PRPSAP2: variants seen among roughly 807,000 people sequenced by gnomAD.
PRPSAP2 encodes the protein phosphoribosyl pyrophosphate synthetase associated protein 2.
PRPSAP2 carries 24 observed loss-of-function variants against 40.6 expected under a neutral mutation model. The observed-to-expected ratio is 0.59, with a 90% confidence interval of 0.43 to 0.83. The LOEUF (loss-of-function observed/expected upper bound fraction) is 0.83. Ranked by LOEUF, PRPSAP2 falls within the 40% of genes least tolerant of loss-of-function variation. PRPSAP2 has a pLI of 0.00. For missense variants in PRPSAP2, 292 were observed against 465.6 expected, an observed-to-expected ratio of 0.63 and a Z score of 3.43; for synonymous variants, 149 against 164.7, an observed-to-expected ratio of 0.90 and a Z score of 0.73.
chr17:18,871,653 C>CTTTTTTTTTTTTT (rs142523345), intron 4 of PRPSAP2, among the ~76,000 whole-genome samples: 4 of 129,784 alleles, frequency 3.1e-5, no homozygotes, highest in East Asian at 2.7e-4. Context: ...ATATAATTTT[C>CTTTTTTTTTTTTT]TTTTTTTTTT....
chr17:18,928,068 G>A (rs1200994400), intron 10 of PRPSAP2, among the ~76,000 whole-genome samples: 7 of 152,208 alleles, frequency 4.6e-5, no homozygotes, highest in African/African-American at 1.2e-4. Flanking sequence ...ACAGGCATGA[G>A]CCACCACGCC....
chr17:18,923,623 A>G (rs990403882), intron 9 of PRPSAP2, among the ~76,000 whole-genome samples: 1 of 152,092 alleles, frequency 6.6e-6, no homozygotes, highest in African/African-American at 2.4e-5. Flanking sequence ...GATGCCTTTC[A>G]TTTCGTTTTC....
intron 5 of PRPSAP2, among the ~76,000 whole-genome samples, chr17:18,873,054 C>G (rs1371020116): frequency 6.6e-6 from 1 of 151,996 alleles, no homozygotes; most frequent in Non-Finnish European, 1.5e-5. Flanking sequence ...GTTGGCCAGA[C>G]TGGTCTTGAA....
chr17:18,911,174 C>T lies in PRPSAP2; in HGVS notation c.656C>T (p.Ser219Leu). ...CATGGAGAGGCGCAGGATGCCGAGT[C>T]GGACTTGGTGGATGGACGGCATTCC... ...VIHGEAQDAE[S>L]DLVDGRHSPP... Residue 219 changes from serine to leucine, a missense_variant, in exon 9 of 12, where the codon TCG becomes TTG. Physicochemically the swap from Ser to Leu is moderately radical, Grantham distance 145 (BLOSUM62 -2). Coordinates refer to ENST00000268835, the MANE Select transcript of PRPSAP2 (RefSeq NM_002767.4). This position sits in a 1 kb window ranked among gnomAD's most constrained non-coding sequence, Gnocchi z 4.5. 1.4e-5 allele frequency: 22 copies of T among 1,613,978 alleles called. No individual in the cohort carries two copies. Among genetic ancestry groups the T allele is most frequent in the Non-Finnish European group, 1.9e-5 (22 of 1,179,918 alleles).
intron 7 of PRPSAP2, among the ~76,000 whole-genome samples, chr17:18,884,822 G>A (rs981322262): frequency 3.3e-5 from 5 of 152,314 alleles, no homozygotes; most frequent in East Asian, 1.9e-4. Context: ...TAGAGCAGTC[G>A]CTATAGACTT....
intron 7 of PRPSAP2, among the ~76,000 whole-genome samples, chr17:18,886,324 G>T (rs1180918916): frequency 1.3e-5 from 2 of 152,040 alleles, no homozygotes; most frequent in Non-Finnish European, 2.9e-5. Flanking sequence ...TCTGGTACTA[G>T]GATGCTCGTT....
intron 8 of PRPSAP2, among the ~76,000 whole-genome samples, chr17:18,900,513 C>G (rs868802777): frequency 1.3e-5 from 2 of 151,960 alleles, no homozygotes; most frequent in Non-Finnish European, 2.9e-5. Flanking sequence ...TTTTTTCATT[C>G]ATATTGAGAT....
chr17:18,925,562 A>G (rs2041923824), intron 10 of PRPSAP2, among the ~76,000 whole-genome samples: 1 of 152,168 alleles, frequency 6.6e-6, no homozygotes, highest in Non-Finnish European at 1.5e-5. Context: ...TGTCTTTGGT[A>G]TAACTGCTAC....
At chr17:18,921,870 A>C (rs2041706867) in intron 9 of PRPSAP2, among the ~76,000 whole-genome samples, 1 of 152,194 alleles carries the variant, frequency 6.6e-6, no homozygotes, top group Non-Finnish European at 1.5e-5. Context: ...TAAAGTATAA[A>C]ATTTACTGGC....
intron 9 of PRPSAP2, chr17:18,917,584 ATTTTTTTTTTTTTTTT>A (rs536358118): frequency 3.1e-5 from 1 of 32,344 alleles, no homozygotes; most frequent in South Asian, 1.6e-3. Context: ...TATTATTATT[ATTTTTTTTTTTTTTTT>A]TTTTTTTTTT....
intron 7 of PRPSAP2, among the ~76,000 whole-genome samples, chr17:18,889,135 C>T (rs994838866): frequency 6.6e-6 from 1 of 152,178 alleles, no homozygotes; most frequent in Non-Finnish European, 1.5e-5. Context: ...TTAGGCTTTC[C>T]TGTAGATACA....
In PRPSAP2 at chr17:18,882,581, T is replaced by G; in HGVS notation, c.426T>G (p.Leu142=). The G allele has an allele frequency of 6.3e-7, 1 of 1,576,476 alleles. No individual in the cohort carries two copies. The highest frequency in any genetic ancestry group is 8.7e-7 in the Non-Finnish European group (1 of 1,146,138). ...TTATTTTCAAAGGTCTAACTCATCT[T>G]ATTACTATGGATTTACACCAGAAGG... ...SMMCKAGLTH[L]ITMDLHQKEI... is the part of the protein sequence containing the mutation. Residue 142 remains leucine, a synonymous_variant, in exon 7 of 12, where the codon CTT becomes CTG. Transcript: ENST00000268835.
intron 10 of PRPSAP2, among the ~76,000 whole-genome samples, chr17:18,926,744 C>T (rs552392782): frequency 3.9e-4 from 56 of 143,128 alleles, no homozygotes; most frequent in Middle Eastern, 3.5e-3. Context: ...AGAGGTCCTT[C>T]AGACAGCACC....
chr17:18,863,754 G>C (rs913471818), intron 1 of PRPSAP2, among the ~76,000 whole-genome samples: 6 of 149,710 alleles, frequency 4.0e-5, no homozygotes, highest in African/African-American at 7.4e-5. Flanking sequence ...GGCTGGTCTC[G>C]AACCCCTGAC....
At chr17:18,910,595 A>AT (rs1456643003) in intron 8 of PRPSAP2, among the ~76,000 whole-genome samples, 1 of 152,200 alleles carries the variant, frequency 6.6e-6, no homozygotes, top group African/African-American at 2.4e-5. Context: ...CCTTATCTTG[A>AT]TTGTGCTAAT....
intron 8 of PRPSAP2, among the ~76,000 whole-genome samples, chr17:18,890,960 A>G (rs1176803090): frequency 6.6e-6 from 1 of 152,210 alleles, no homozygotes; most frequent in African/African-American, 2.4e-5. Flanking sequence ...ACTATTGCAT[A>G]CTTAAAATTA....
chr17:18,930,740 T>C lies in PRPSAP2; in HGVS notation c.*42T>C. 1 of 1,544,562 alleles carries C rather than the reference T, an allele frequency of 6.5e-7. No individual in the cohort carries two copies. The highest frequency in any genetic ancestry group is 8.9e-7 in the Non-Finnish European group (1 of 1,126,830). On this transcript the variant is annotated 3_prime_UTR_variant, in exon 12 of 12. Coordinates refer to ENST00000268835, the MANE Select transcript of PRPSAP2 (RefSeq NM_002767.4). ...ACTCCCGAGGGCCAAACTGGAAACA[T>C]AAGAGTGACTGCTCGGTGGGATGGA...
At chr17:18,930,325 G>A (rs909111030) in intron 11 of PRPSAP2, among the ~76,000 whole-genome samples, 2 of 152,202 alleles carry the variant, frequency 1.3e-5, no homozygotes, top group Non-Finnish European at 2.9e-5. Context: ...AGTGAGCTGA[G>A]ATGGCATCAC....
chr17:18,862,385 T>A (rs1331973584), intron 1 of PRPSAP2, among the ~76,000 whole-genome samples: 1 of 152,220 alleles, frequency 6.6e-6, no homozygotes, highest in African/African-American at 2.4e-5. Flanking sequence ...TCATTCTAAG[T>A]GTTCCAACTC....
Sources: gnomAD v4.1 joint callset for allele counts (sites outside exome capture counted in the v4.1 genomes callset) on GRCh38, gnomAD v4.1.1 for gene constraint, Gnocchi (gnomAD v3.1) non-coding constraint, MANE v1.5 for transcripts, NCBI Gene and HGNC (gene_info 2026-07-23, HGNC 2026-07-21) for gene names.